CNTN5: variants seen among roughly 807,000 people sequenced by gnomAD.
CNTN5 encodes contactin 5, also known as contactin-5.
A neutral mutation model predicts 129.1 loss-of-function variants in CNTN5; 77 were observed. The ratio of observed to expected loss-of-function variants is 0.60; its 90% confidence interval spans 0.50 to 0.72. The LOEUF (loss-of-function observed/expected upper bound fraction) is 0.72, where lower values mean the gene tolerates loss of function less well. Among genes scored for constraint, CNTN5 ranks in the 30% least tolerant of loss-of-function variants. CNTN5 has a pLI of 0.00. For missense variants in CNTN5, 1,478 were observed against 1,328.8 expected (o/e 1.11, Z -1.75); for synonymous variants, 509 against 465.6 (o/e 1.09, Z -1.20).
chr11:100,241,944 C>G (rs927870268), intron 16 of CNTN5, among the ~76,000 whole-genome samples: 1 of 152,138 alleles, frequency 6.6e-6, no homozygotes, highest in Non-Finnish European at 1.5e-5. Context: ...AGATTTTCCC[C>G]AAAACAGTCC....
At chr11:99,481,094 T>A (rs1174958857) in intron 2 of CNTN5, among the ~76,000 whole-genome samples, 1 of 151,994 alleles carries the variant, frequency 6.6e-6, no homozygotes, top group Non-Finnish European at 1.5e-5. Context: ...CCACAGAGGA[T>A]TGGCATTTAA....
intron 6 of CNTN5, among the ~76,000 whole-genome samples, chr11:99,879,111 T>C (rs1408754375): frequency 1.3e-5 from 2 of 151,854 alleles, no homozygotes; most frequent in African/African-American, 2.4e-5. Context: ...TTAATTTTTG[T>C]ATTTCTAGTA....
At chr11:100,192,939 C>T (rs773735740) in intron 14 of CNTN5, among the ~76,000 whole-genome samples, 77 of 151,898 alleles carry the variant, frequency 5.1e-4, no homozygotes, top group Non-Finnish European at 1.0e-3. Flanking sequence ...CTTTTCTACT[C>T]CTAAAAGCTT....
intron 3 of CNTN5, among the ~76,000 whole-genome samples, chr11:99,740,874 A>ACT (rs1461621124): frequency 6.6e-6 from 1 of 152,184 alleles, no homozygotes; most frequent in East Asian, 1.9e-4. Flanking sequence ...TCACTGCCTT[A>ACT]CTGAACATGG....
At chr11:100,205,522 G>A (rs894523235) in intron 15 of CNTN5, among the ~76,000 whole-genome samples, 1 of 152,022 alleles carries the variant, frequency 6.6e-6, no homozygotes, top group East Asian at 1.9e-4. Context: ...TCACTTTAAA[G>A]AATTTGAGAA....
At chr11:100,048,654 CTG>C (rs1942809047) in intron 9 of CNTN5, among the ~76,000 whole-genome samples, 1 of 151,632 alleles carries the variant, frequency 6.6e-6, no homozygotes, top group African/African-American at 2.4e-5. Context: ...GCATTACAAA[CTG>C]TAAAATATAC....
In CNTN5 at chr11:99,315,131, G is replaced by A. The variant is rs144444699; in HGVS notation, c.-209-10215G>A. 4.7e-5 allele frequency among the ~76,000 whole-genome samples: 7 copies of A among 149,342 alleles called. 1 individual carries two copies. The highest frequency in any genetic ancestry group is 7.5e-5 in the Non-Finnish European group (5 of 66,636). On this transcript the variant is annotated intron_variant, in intron 1 of 24. Coordinates refer to ENST00000524871, the MANE Select transcript of CNTN5 (RefSeq NM_014361.4). Reference sequence around the variant, plus strand: ...TAGGCAGAGTGATGAATACCCTCTAGTAGTCATGGAAGAATAAAAGCATTT... The same window carrying A: ...TAGGCAGAGTGATGAATACCCTCTAATAGTCATGGAAGAATAAAAGCATTT...
intron 9 of CNTN5, among the ~76,000 whole-genome samples, chr11:100,056,541 G>C (rs745548743): frequency 2.6e-5 from 4 of 151,546 alleles, no homozygotes; most frequent in Non-Finnish European, 4.4e-5. Context: ...ATTGTATTTG[G>C]TAAAGGATAA....
chr11:99,094,176 A>T (rs1345174328), intron 1 of CNTN5, among the ~76,000 whole-genome samples: 4 of 151,970 alleles, frequency 2.6e-5, no homozygotes, highest in African/African-American at 9.7e-5. Context: ...GTTCATTAAT[A>T]TCTATCATTC....
intron 3 of CNTN5, among the ~76,000 whole-genome samples, chr11:99,565,731 C>T (rs946404448): frequency 6.6e-6 from 1 of 152,136 alleles, no homozygotes; most frequent in African/African-American, 2.4e-5. Context: ...GATTGTGAAC[C>T]TGATTGGGTT....
chr11:100,106,189 T>A (rs1344608788), intron 13 of CNTN5, among the ~76,000 whole-genome samples: 1 of 152,158 alleles, frequency 6.6e-6, no homozygotes, highest in Non-Finnish European at 1.5e-5. Context: ...GGAGTTTAAA[T>A]AGACCACACC....
intron 1 of CNTN5, among the ~76,000 whole-genome samples, chr11:99,087,510 T>C (rs1040508783): frequency 2.0e-5 from 3 of 152,302 alleles, no homozygotes; most frequent in Admixed American, 2.0e-4. Context: ...ACAGAAACAA[T>C]TGCAATGTTG....
At chr11:99,136,758 G>T (rs528322530) in intron 1 of CNTN5, among the ~76,000 whole-genome samples, 2 of 126,938 alleles carry the variant, frequency 1.6e-5, no homozygotes, top group Non-Finnish European at 3.3e-5. Context: ...CAGATGGACG[G>T]AAGAAGGCAT....
At chr11:100,310,250 G>A (rs959148170) in intron 21 of CNTN5, among the ~76,000 whole-genome samples, 2 of 151,904 alleles carry the variant, frequency 1.3e-5, no homozygotes, top group Non-Finnish European at 2.9e-5. Context: ...AAGCCACAAA[G>A]TATATTCTGG....
At chr11:100,090,478 TTTC>T (rs1944718350) in intron 13 of CNTN5, among the ~76,000 whole-genome samples, 5 of 105,874 alleles carry the variant, frequency 4.7e-5, no homozygotes, top group Non-Finnish European at 3.9e-5. Flanking sequence ...TTTTTCTCTC[TTTC>T]CCTCCCTCCT....
chr11:99,969,863 TAAATG>T (rs1951201450), intron 8 of CNTN5, among the ~76,000 whole-genome samples: 1 of 152,152 alleles, frequency 6.6e-6, no homozygotes, highest in Non-Finnish European at 1.5e-5. Flanking sequence ...CTTATCTTCT[TAAATG>T]TAGGTGTTCT....
intron 2 of CNTN5, among the ~76,000 whole-genome samples, chr11:99,419,777 C>T (rs1035737737): frequency 6.6e-6 from 1 of 152,086 alleles, no homozygotes; most frequent in Non-Finnish European, 1.5e-5. Context: ...ATATTTGTTT[C>T]ACAGTCTTTC....
chr11:99,023,026 G>A (rs563132430), intron 1 of CNTN5, among the ~76,000 whole-genome samples: 5 of 152,234 alleles, frequency 3.3e-5, no homozygotes, highest in African/African-American at 9.6e-5. Flanking sequence ...AAGTTGTGAG[G>A]CACATGCACA....
rs111805415 is a variant in CNTN5 at position 99,097,076 on chromosome 11, A to G, written c.-210+75806A>G. ...AAGTAATGTGTCTGTGTTAAAAAAC[A>G]TTATTCAATCTACACTGAGTTCACT... is the stretch of plus-strand genomic sequence containing the variant. On this transcript the variant is annotated intron_variant, in intron 1 of 24. Coordinates refer to ENST00000524871, the MANE Select transcript of CNTN5 (RefSeq NM_014361.4). 1.8e-4 allele frequency among the ~76,000 whole-genome samples: 27 copies of G among 151,446 alleles called. 1 individual carries two copies. Among genetic ancestry groups the G allele is most frequent in the African/African-American group, 5.8e-4 (24 of 41,286 alleles).
Sources: allele counts gnomAD v4.1 joint callset (sites outside exome capture counted in the v4.1 genomes callset), GRCh38; gene constraint gnomAD v4.1.1; transcripts MANE v1.5; gene names NCBI Gene and HGNC (gene_info 2026-07-23, HGNC 2026-07-21).